Variants in DPP10 observed in about 807,000 individuals in gnomAD.
DPP10 encodes the protein inactive dipeptidyl peptidase 10.
A neutral mutation model predicts 120.9 loss-of-function variants in DPP10; 33 were observed. The observed-to-expected ratio is 0.27, with a 90% CI of 0.21 to 0.37. DPP10 has a LOEUF of 0.37. Ranked by LOEUF, DPP10 falls within the 10% of genes least tolerant of loss-of-function variation. DPP10 has a pLI of 1.00. For missense variants in DPP10, 816 were observed against 942.8 expected, an observed-to-expected ratio of 0.87 and a Z score of 1.76; for synonymous variants, 337 against 326.1, an observed-to-expected ratio of 1.03 and a Z score of -0.36.
intron 5 of DPP10, among the ~76,000 whole-genome samples, chr2:115,589,851 G>A (rs1044486297): frequency 2.6e-5 from 4 of 152,098 alleles, no homozygotes; most frequent in African/African-American, 9.7e-5. Context: ...ACAATGGATA[G>A]TTTCTGCCAA....
rs367781328 is a variant in DPP10 at position 115,582,232 on chromosome 2, G to A, written c.441+56260G>A. Among the ~76,000 whole-genome samples, 17 of 151,752 alleles carry A rather than the reference G, an allele frequency of 1.1e-4. No individual in the cohort carries two copies. In the East Asian group the frequency reaches 3.1e-3, roughly 28 times the overall value. On this transcript the variant is annotated intron_variant, in intron 5 of 25. Transcript: ENST00000410059. The stretch of plus-strand genomic sequence containing the variant: ...ACGCACAGTGGCCTGCCAGCGTGTC[G>A]GAGGTGCTGCATGCTCAGTGTGTTT...
At chr2:114,993,636 T>C (rs1574651956) in intron 1 of DPP10, among the ~76,000 whole-genome samples, 1 of 140,132 alleles carries the variant, frequency 7.1e-6, no homozygotes, top group East Asian at 2.4e-4. Flanking sequence ...AAGCATCCAA[T>C]GCTTTTTACA....
intron 5 of DPP10, among the ~76,000 whole-genome samples, chr2:115,680,056 G>T (rs529434050): frequency 3.9e-5 from 6 of 151,972 alleles, no homozygotes; most frequent in Non-Finnish European, 7.4e-5. Flanking sequence ...TAATTACACA[G>T]ATTTAATCAT....
chr2:114,807,162 A>G (rs1315562060), intron 1 of DPP10, among the ~76,000 whole-genome samples: 1 of 152,260 alleles, frequency 6.6e-6, no homozygotes, highest in Admixed American at 6.5e-5. Flanking sequence ...AGTAGCTATT[A>G]TCAATGGGCT....
intron 1 of DPP10, among the ~76,000 whole-genome samples, chr2:114,722,277 T>G (rs953180936): frequency 6.6e-6 from 1 of 152,182 alleles, no homozygotes; most frequent in Non-Finnish European, 1.5e-5. Flanking sequence ...ACTACACTAT[T>G]TTTGTCAAGA....
At chr2:115,603,861 A>G (rs1285591417) in intron 5 of DPP10, among the ~76,000 whole-genome samples, 1 of 152,126 alleles carries the variant, frequency 6.6e-6, no homozygotes, top group East Asian at 1.9e-4. Flanking sequence ...TTATGTAGCA[A>G]TCTTTACAGA....
chr2:115,084,204 A>G (rs1213182180), intron 1 of DPP10, among the ~76,000 whole-genome samples: 2 of 152,210 alleles, frequency 1.3e-5, no homozygotes, highest in African/African-American at 2.4e-5. Flanking sequence ...ACTGTATCTT[A>G]AATATTTTTA....
chr2:115,307,505 G>A (rs182747613), intron 1 of DPP10, among the ~76,000 whole-genome samples: 13 of 152,230 alleles, frequency 8.5e-5, no homozygotes, highest in Admixed American at 4.6e-4. Flanking sequence ...AAATAGGAAA[G>A]TATTTATGGT....
intron 1 of DPP10, among the ~76,000 whole-genome samples, chr2:115,102,965 C>G (rs1220788504): frequency 6.6e-6 from 1 of 151,988 alleles, no homozygotes; most frequent in Non-Finnish European, 1.5e-5. Flanking sequence ...CTTGATGATA[C>G]CTTTAAATTG....
intron 19 of DPP10, among the ~76,000 whole-genome samples, chr2:115,802,054 A>G (rs1404145797): frequency 6.6e-6 from 1 of 152,024 alleles, no homozygotes; most frequent in Admixed American, 6.6e-5. Context: ...CTGTGAATCC[A>G]TCTGGTCCTG....
chr2:114,560,886 G>T (rs934512811), intron 1 of DPP10, among the ~76,000 whole-genome samples: 1 of 152,130 alleles, frequency 6.6e-6, no homozygotes, highest in Non-Finnish European at 1.5e-5. Context: ...TGTCATTTTC[G>T]CTGGCTCCTT....
chr2:115,442,359 GTGTT>G (rs1410461457), intron 3 of DPP10, among the ~76,000 whole-genome samples: 2 of 136,214 alleles, frequency 1.5e-5, no homozygotes, highest in Non-Finnish European at 3.0e-5. Flanking sequence ...CTGTGTGTGT[GTGTT>G]TGTGTGTGTG....
chr2:115,064,761 G>A (rs1206886492), intron 1 of DPP10: 38 of 1,304,012 alleles, frequency 2.9e-5, no homozygotes, highest in Non-Finnish European at 3.8e-5. Context: ...CTTAGCAATG[G>A]TCATCACAGA....
chr2:115,006,460 A>T (rs952870512), intron 1 of DPP10, among the ~76,000 whole-genome samples: 1 of 151,832 alleles, frequency 6.6e-6, no homozygotes, highest in African/African-American at 2.4e-5. Flanking sequence ...AGTGTGCTGT[A>T]TTCAGGAAAC....
chr2:114,967,301 G>T (rs1699103440), intron 1 of DPP10, among the ~76,000 whole-genome samples: 1 of 152,174 alleles, frequency 6.6e-6, no homozygotes, highest in Non-Finnish European at 1.5e-5. Flanking sequence ...GTGTCCAAGT[G>T]AGTTGTCCTG....
chr2:115,590,445 G>A (rs1179117885), intron 5 of DPP10, among the ~76,000 whole-genome samples: 3 of 152,066 alleles, frequency 2.0e-5, no homozygotes, highest in Non-Finnish European at 2.9e-5. Context: ...GCGATAGTTT[G>A]CTGAGAATGA....
At chr2:115,489,667 C>T (rs1297918515) in intron 3 of DPP10, among the ~76,000 whole-genome samples, 1 of 148,522 alleles carries the variant, frequency 6.7e-6, no homozygotes, top group African/African-American at 2.5e-5. Flanking sequence ...TCTAACCTAA[C>T]TACAGATAGC....
At chr2:114,836,807 C>T (rs996525368) in intron 1 of DPP10, among the ~76,000 whole-genome samples, 1 of 152,184 alleles carries the variant, frequency 6.6e-6, no homozygotes, top group Non-Finnish European at 1.5e-5. Flanking sequence ...CCCAAGGGGG[C>T]CAATTTAGAG....
At chr2:114,852,339 A>T (rs1689013531) in intron 1 of DPP10, among the ~76,000 whole-genome samples, 1 of 151,502 alleles carries the variant, frequency 6.6e-6, no homozygotes, top group African/African-American at 2.4e-5. Flanking sequence ...AGTTCTCCAT[A>T]TCCATGGGTT....
Sources: allele counts gnomAD v4.1 joint callset (sites outside exome capture counted in the v4.1 genomes callset), GRCh38; gene constraint gnomAD v4.1.1; transcripts MANE v1.5; gene names NCBI Gene and HGNC (gene_info 2026-07-23, HGNC 2026-07-21).